ASTN2: variants seen among roughly 807,000 people sequenced by gnomAD.
The protein encoded by ASTN2 is astrotactin-2.
Under a neutral mutation model 139.8 loss-of-function variants are expected in ASTN2, and 54 were observed. The ratio of observed to expected loss-of-function variants is 0.39; its 90% CI spans 0.31 to 0.48. The LOEUF is 0.48. Among genes scored for constraint, ASTN2 ranks in the 20% least tolerant of loss-of-function variants. The pLI, the probability that ASTN2 is intolerant of heterozygous loss-of-function variation, is 0.95. For synonymous variants in ASTN2, 756 were observed against 719.5 expected, an observed-to-expected ratio of 1.05 and a Z score of -0.81; for missense variants, 1,565 against 1,725.1, an observed-to-expected ratio of 0.91 and a Z score of 1.64.
chr9:116,620,531 T>C (rs1456981264), intron 17 of ASTN2, 88 bp from the exon 18 acceptor site: 2 of 1,549,540 alleles, frequency 1.3e-6, no homozygotes, highest in Non-Finnish European at 1.8e-6. Flanking sequence ...ATGTGAGCCA[T>C]CGAGGGCTTT....
At chr9:116,993,853 G>GATAT (rs61556942) in intron 7 of ASTN2, among the ~76,000 whole-genome samples, 30,337 of 131,788 alleles carry the variant, frequency 0.23, 4,095 homozygotes, top group East Asian at 0.45. Flanking sequence ...GTATGTACAT[G>GATAT]ATATATATAT....
chr9:117,361,351 C>A lies in ASTN2; in HGVS notation c.442+53146G>T, dbSNP rs541105436. On this transcript the variant is annotated intron_variant, in intron 1 of 22. Transcript: ENST00000313400. ...AGCAAGTCGCTCCCATGCATGGGGT[C>A]GTGTAGGGCCGACTTGGAATCCTAG... Among the ~76,000 whole-genome samples, 4 of 152,092 alleles carry A rather than the reference C, an allele frequency of 2.6e-5. No individual in the cohort carries two copies. In the South Asian group the frequency reaches 8.3e-4, roughly 32 times the overall value.
At chr9:117,297,211 A>G (rs1402266437) in intron 1 of ASTN2, among the ~76,000 whole-genome samples, 1 of 152,216 alleles carries the variant, frequency 6.6e-6, no homozygotes, top group Non-Finnish European at 1.5e-5. Context: ...GCCCAGAGAA[A>G]GCTTCCAATG....
chr9:116,750,980 T>G (rs143635136), intron 13 of ASTN2, among the ~76,000 whole-genome samples: 4 of 152,218 alleles, frequency 2.6e-5, no homozygotes, highest in Admixed American at 6.5e-5. Context: ...TGGATCCAGC[T>G]TCCCACCTTC....
Position 116,698,597 on chromosome 9 carries a change from T to A in ASTN2, c.2806+27174A>T, listed in dbSNP as rs1290656615. The A allele has an allele frequency of 6.2e-7, 1 of 1,613,974 alleles. No homozygotes were observed. The highest frequency in any genetic ancestry group is 1.3e-5 in the African/African-American group (1 of 74,942). ...ATGTGGAGCTCCTTAAGGTAGGTCA[T>A]GTTGGCCCCCTCCAAATTGGACAAG... On this transcript the variant is annotated intron_variant, in intron 16 of 22. Coordinates refer to ENST00000313400, the MANE Select transcript of ASTN2 (RefSeq NM_001365068.1). This position sits in a 1 kb window ranked among gnomAD's most constrained non-coding sequence, Gnocchi z 4.4.
At chr9:117,270,798 A>G (rs1834045478) in intron 2 of ASTN2, among the ~76,000 whole-genome samples, 1 of 152,264 alleles carries the variant, frequency 6.6e-6, no homozygotes, top group Admixed American at 6.5e-5. Flanking sequence ...AAAGCACTGT[A>G]CAAATATTAC....
intron 13 of ASTN2, among the ~76,000 whole-genome samples, chr9:116,765,059 C>A (rs1829771117): frequency 6.6e-6 from 1 of 152,092 alleles, no homozygotes; most frequent in Non-Finnish European, 1.5e-5. Flanking sequence ...AATGCTGATA[C>A]CTCTACAAAA....
intron 16 of ASTN2, chr9:116,700,587 A>G (rs1861121074): frequency 6.0e-6 from 1 of 167,134 alleles, no homozygotes; most frequent in South Asian, 2.1e-4. Context: ...GCCAGGGCCA[A>G]CAAAGTGGAG....
chr9:117,012,280 C>G (rs1308856798), intron 6 of ASTN2, among the ~76,000 whole-genome samples: 15 of 152,140 alleles, frequency 9.9e-5, no homozygotes, highest in Admixed American at 9.8e-4. Flanking sequence ...TCGAACATCA[C>G]TATCGTGGCT....
chr9:116,952,831 G>A (rs901611888), intron 10 of ASTN2, among the ~76,000 whole-genome samples: 1 of 152,170 alleles, frequency 6.6e-6, no homozygotes, highest in Non-Finnish European at 1.5e-5. Flanking sequence ...CCTTTGAGGA[G>A]GGGCCCAATT....
intron 4 of ASTN2, among the ~76,000 whole-genome samples, chr9:117,125,099 G>T (rs746954637): frequency 6.6e-6 from 1 of 152,200 alleles, no homozygotes; most frequent in African/African-American, 2.4e-5. Context: ...GATGTGTAAA[G>T]TATTCCCTTC....
At chr9:116,711,678 A>G (rs1828166742) in intron 16 of ASTN2, among the ~76,000 whole-genome samples, 2 of 152,056 alleles carry the variant, frequency 1.3e-5, no homozygotes, top group Admixed American at 6.5e-5. Flanking sequence ...TCCAGCAGTC[A>G]CTCAGGCCCT....
intron 1 of ASTN2, among the ~76,000 whole-genome samples, chr9:117,320,465 CT>C (rs1828291709): frequency 1.3e-5 from 2 of 152,094 alleles, no homozygotes; most frequent in Non-Finnish European, 2.9e-5. Context: ...ATATTTGCTG[CT>C]TAGAATCATA....
intron 1 of ASTN2, among the ~76,000 whole-genome samples, chr9:117,399,381 A>C (rs1266241264): frequency 6.6e-6 from 1 of 152,198 alleles, no homozygotes; most frequent in East Asian, 1.9e-4. Context: ...TAAAATATAT[A>C]ATATTAAAGA....
chr9:116,573,155 G>C (rs963956303), intron 19 of ASTN2, among the ~76,000 whole-genome samples: 2 of 152,102 alleles, frequency 1.3e-5, no homozygotes, highest in Non-Finnish European at 2.9e-5. Context: ...ACAACCAAAG[G>C]CACCATTTTA....
intron 1 of ASTN2, among the ~76,000 whole-genome samples, chr9:117,360,613 C>A (rs1026028027): frequency 1.3e-5 from 2 of 152,122 alleles, no homozygotes; most frequent in African/African-American, 4.8e-5. Context: ...ATGAGCTGTG[C>A]AGATAACCAG....
At position 116,632,205 on chromosome 9, in the gene ASTN2, A is replaced by AAAAGAAAGAAAG. The variant is rs1554723306; in HGVS notation, c.3073-11774_3073-11763dup. Among the ~76,000 whole-genome samples, 420 of 45,262 alleles carry AAAAGAAAGAAAG rather than the reference A, an allele frequency of 9.3e-3. 12 individuals carry two copies. The highest frequency in any genetic ancestry group is 0.015 in the Middle Eastern group (1 of 68). The allele number at this position is 45,262 out of a possible 152,430, so 29.7% of individuals were successfully genotyped here. Reference sequence around the variant, plus strand: ...GAGAGGGAGAGAGAGAGAAAGAAAGAAAAGAAAGAAAGAAAGAAAGAAAGA... The same window carrying AAAAGAAAGAAAG: ...GAGAGGGAGAGAGAGAGAAAGAAAGAAAAGAAAGAAAGAAAGAAAGAAAGAAAGAAAGAAAGA... On this transcript the variant is annotated intron_variant, in intron 17 of 22. Coordinates refer to ENST00000313400, the MANE Select transcript of ASTN2 (RefSeq NM_001365068.1).
intron 4 of ASTN2, among the ~76,000 whole-genome samples, chr9:117,117,969 G>A (rs962427853): frequency 2.0e-5 from 3 of 151,854 alleles, no homozygotes; most frequent in East Asian, 1.9e-4. Context: ...GAAAATCACC[G>A]TTATATTAAA....
In ASTN2 at chr9:116,698,377, A is replaced by C. The variant is rs1412005849; in HGVS notation, c.2806+27394T>G. On this transcript the variant is annotated intron_variant, in intron 16 of 22. Coordinates refer to ENST00000313400, the MANE Select transcript of ASTN2 (RefSeq NM_001365068.1). The surrounding 1 kb of genome is among the most constrained non-coding windows in gnomAD (Gnocchi z 4.4). ...AAGTTCTTCACAGGCTCTTTGGCTG[A>C]AGTTGAGAAGTCCAATAGTCAAGTG... 1 of 1,614,102 alleles carries C rather than the reference A, an allele frequency of 6.2e-7. No homozygotes were observed. Among genetic ancestry groups the C allele is most frequent in the Non-Finnish European group, 8.5e-7 (1 of 1,180,018 alleles).
Sources: allele counts gnomAD v4.1 joint callset (sites outside exome capture counted in the v4.1 genomes callset), GRCh38; gene constraint gnomAD v4.1.1; non-coding constraint Gnocchi (gnomAD v3.1); transcripts MANE v1.5; gene names NCBI Gene and HGNC (gene_info 2026-07-23, HGNC 2026-07-21).